The following ZBTB21 variants were observed in gnomAD, a reference collection of about 807,000 sequenced individuals.
ZBTB21 encodes zinc finger and BTB domain containing 21.
ZBTB21 carries 10 observed loss-of-function variants against 39.8 expected under a neutral mutation model. The ratio of observed to expected loss-of-function variants is 0.25; its 90% confidence interval spans 0.16 to 0.43. The LOEUF (loss-of-function observed/expected upper bound fraction) is 0.43, where lower values mean the gene tolerates loss of function less well. Among genes scored for constraint, ZBTB21 ranks in the 20% least tolerant of loss-of-function variants. The pLI, the probability that ZBTB21 is intolerant of heterozygous loss-of-function variation, is 1.00. For synonymous variants in ZBTB21, 551 were observed against 498.8 expected (o/e 1.10, Z -1.40); for missense variants, 1,221 against 1,296.3 (o/e 0.94, Z 0.89).
At chr21:42,005,325 CA>C (rs1279988446) in intron 1 of ZBTB21, among the ~76,000 whole-genome samples, 1 of 152,212 alleles carries the variant, frequency 6.6e-6, no homozygotes, top group Non-Finnish European at 1.5e-5. Context: ...CAACCAAAGC[CA>C]AACCAATCAG....
chr21:41,998,603 C>G (rs181971356), intron 2 of ZBTB21, among the ~76,000 whole-genome samples: 3 of 152,240 alleles, frequency 2.0e-5, no homozygotes, highest in Admixed American at 6.5e-5. Flanking sequence ...CTTTCTCTAG[C>G]GGGCAAACTG....
rs912810963 is a variant in ZBTB21, at chr21:41,990,988, T to G, written c.3108A>C (p.Ala1036=). ...TLFYHAPPLS[A]ITFKRQFMCK... ...ACATAAACTGTCTTTTAAATGTGAT[T>G]GCTGAAAGGGGTGGGGCATGGTAAA... The change falls in exon 3 of 3, where the codon GCA becomes GCC. Residue 1036 remains alanine, a synonymous_variant. Transcript: ENST00000310826. 30 of 1,539,580 alleles carry G rather than the reference T, an allele frequency of 1.9e-5. No individual in the cohort carries two copies. The highest frequency in any genetic ancestry group is 2.4e-5 in the Non-Finnish European group (28 of 1,146,422).
Position 41,988,543 on chromosome 21 carries a change from A to C in ZBTB21, c.*2352T>G, listed in dbSNP as rs189314125. On this transcript the variant is annotated 3_prime_UTR_variant, in exon 3 of 3. Coordinates refer to ENST00000310826, the MANE Select transcript of ZBTB21 (RefSeq NM_001098402.2). ...TTAAAATAGTTACATGAGTGGAAGC[A>C]TATTTTTTTTGACCACCAAAATAAA... 6.6e-6 allele frequency: 1 copy of C among 151,364 alleles called. No individual in the cohort carries two copies. The highest frequency in any genetic ancestry group is 2.4e-5 in the African/African-American group (1 of 41,432). The allele number at this position is 151,364 out of a possible 1,614,324, so 9.4% of individuals were successfully genotyped here.
intron 1 of ZBTB21, among the ~76,000 whole-genome samples, chr21:42,006,323 G>A (rs1177237411): frequency 6.6e-6 from 1 of 151,874 alleles, no homozygotes; most frequent in Non-Finnish European, 1.5e-5. Flanking sequence ...GCTGAGGCAG[G>A]AGAATCGCTT....
intron 1 of ZBTB21, among the ~76,000 whole-genome samples, chr21:42,005,939 T>C (rs2065873320): frequency 6.6e-6 from 1 of 152,208 alleles, no homozygotes; most frequent in African/African-American, 2.4e-5. Context: ...ATGCAGTGCC[T>C]AGAGAGGATG....
rs1215115542 is a variant in ZBTB21, at chr21:41,991,029, C to G, written c.3067G>C (p.Glu1023Gln). 7.6e-6 allele frequency: 12 copies of G among 1,580,252 alleles called. No individual in the cohort carries two copies. Among genetic ancestry groups the G allele is most frequent in the Non-Finnish European group, 1.0e-5 (12 of 1,164,458 alleles). ...PATEKLFVPQ[E>Q]SDTLFYHAPP... ...GCATGGTAAAAAAGGGTGTCTGATT[C>G]TTGGGGCACAAACAGTTTTTCTGTG... is the stretch of plus-strand genomic sequence containing the variant. The change falls in exon 3 of 3, where the codon GAA becomes CAA. Residue 1023 changes from glutamate (E) to glutamine (Q), a missense_variant. Glu to Gln is a conservative substitution (Grantham distance 29). This residue lies in a region of ZBTB21 where 523 missense variants were observed against 542.5 expected (regional missense o/e 0.96). Transcript: ENST00000310826. The surrounding 1 kb of genome is among the most constrained non-coding windows in gnomAD (Gnocchi z 4.9).
rs1303412127 is a variant in ZBTB21 at position 41,991,726 on chromosome 21, G to A, written c.2370C>T (p.Ile790=). 1 of 1,614,248 alleles carries A rather than the reference G, an allele frequency of 6.2e-7. No individual in the cohort carries two copies. The highest frequency in any genetic ancestry group is 2.2e-5 in the East Asian group (1 of 44,888). ...CMRTFKSSFS[I]WRHQVEVHNQ... is the part of the protein sequence containing the mutation. ...TATGGACTTCAACCTGGTGCCGCCA[G>A]ATGCTGAAAGAGGACTTGAAGGTGC... The change falls in exon 3 of 3, where the codon ATC becomes ATT. Residue 790 remains isoleucine, a synonymous_variant. Coordinates refer to ENST00000310826, the MANE Select transcript of ZBTB21 (RefSeq NM_001098402.2). This position sits in a 1 kb window ranked among gnomAD's most constrained non-coding sequence, Gnocchi z 4.9.
In ZBTB21 at chr21:42,001,244, G is replaced by A. The variant is rs139631231; in HGVS notation, c.-14+1653C>T. On this transcript the variant is annotated intron_variant, in intron 2 of 2. Coordinates refer to ENST00000310826, the MANE Select transcript of ZBTB21 (RefSeq NM_001098402.2). ...CCTCTAGTTTCCTCTTCCAATTCTCGTATCATCTTCTGAACTAGACAGTGT... is the reference window on the plus strand; with the variant it reads ...CCTCTAGTTTCCTCTTCCAATTCTCATATCATCTTCTGAACTAGACAGTGT... Among the ~76,000 whole-genome samples, 82 of 152,238 alleles carry A rather than the reference G, an allele frequency of 5.4e-4. No homozygotes were observed. In the East Asian group the frequency reaches 0.014, roughly 26 times the overall value.
chr21:41,992,171 C>T lies in ZBTB21; in HGVS notation c.1925G>A (p.Gly642Asp). ...KKALIIKLRR[G>D]KPGFQGQSSS... ...ACTCTGTCCCTGAAAACCAGGCTTG[C>T]CGCGCCTTAACTTAATGATCAGGGC... The change falls in exon 3 of 3, where the codon GGC becomes GAC. Residue 642 changes from glycine to aspartate, a missense_variant. By Grantham distance (94) the Gly-to-Asp change is moderately conservative (BLOSUM62 -1). Transcript: ENST00000310826. The surrounding 1 kb of genome is among the most constrained non-coding windows in gnomAD (Gnocchi z 4.1). The T allele has an allele frequency of 6.2e-7, 1 of 1,614,186 alleles. No homozygotes were observed. The highest frequency in any genetic ancestry group is 1.6e-4 in the Middle Eastern group (1 of 6,062).
chr21:41,998,427 G>A (rs150826912), intron 2 of ZBTB21, among the ~76,000 whole-genome samples: 127 of 152,166 alleles, frequency 8.3e-4, no homozygotes, highest in African/African-American at 2.5e-3. Flanking sequence ...CTGACCTCAC[G>A]TGATCTGCCT....
chr21:41,994,184 C>T (rs1654870495), intron 2 of ZBTB21, 76 bp from the exon 3 acceptor site: 1 of 1,350,194 alleles, frequency 7.4e-7, no homozygotes, highest in Non-Finnish European at 1.0e-6. Flanking sequence ...CAGGGAACAT[C>T]AGCTGTCTTT....
In ZBTB21 at chr21:41,992,724, A is replaced by T. The variant is rs1569104626; in HGVS notation, c.1372T>A (p.Ser458Thr). 2 of 1,614,164 alleles carry T rather than the reference A, an allele frequency of 1.2e-6. No homozygotes were observed. Among genetic ancestry groups the T allele is most frequent in the Middle Eastern group, 1.6e-4 (1 of 6,062 alleles). ...VGDAATTAAA[S>T]SSSVTRDLSL... is the part of the protein sequence containing the mutation. Reference sequence around the variant, plus strand: ...AGGTCTCTTGTGACCGACGAAGATGAGGCAGCTGCTGTTGTTGCCGCATCT... The same window carrying T: ...AGGTCTCTTGTGACCGACGAAGATGTGGCAGCTGCTGTTGTTGCCGCATCT... Residue 458 changes from serine to threonine, a missense_variant, in exon 3 of 3, where the codon TCA becomes ACA. Around this residue, in one of 4 missense-constraint regions of ZBTB21, gnomAD observed 500 missense variants for 465.6 expected, o/e 1.07. Coordinates refer to ENST00000310826, the MANE Select transcript of ZBTB21 (RefSeq NM_001098402.2). This position sits in a 1 kb window ranked among gnomAD's most constrained non-coding sequence, Gnocchi z 4.1.
In ZBTB21 at chr21:41,991,326, G is replaced by A; in HGVS notation, c.2770C>T (p.Leu924=). 6.2e-7 allele frequency: 1 copy of A among 1,609,752 alleles called. No individual in the cohort carries two copies. The highest frequency in any genetic ancestry group is 1.1e-5 in the South Asian group (1 of 90,324). ...CACAGAAGCTCCTGGTGACGCTCCA[G>A]CTGCTTATGCACCGTGAACATCTTC... The part of the protein sequence containing the change: ...CGKMFTVHKQ[L]ERHQELLCSV... Residue 924 remains leucine, a synonymous_variant, in exon 3 of 3, where the codon CTG becomes TTG. Coordinates refer to ENST00000310826, the MANE Select transcript of ZBTB21 (RefSeq NM_001098402.2). The surrounding 1 kb of genome is among the most constrained non-coding windows in gnomAD (Gnocchi z 4.9).
At chr21:41,996,226 G>T (rs914317905) in intron 2 of ZBTB21, among the ~76,000 whole-genome samples, 1 of 152,238 alleles carries the variant, frequency 6.6e-6, no homozygotes, top group African/African-American at 2.4e-5. Flanking sequence ...CTGGCACTGC[G>T]TGCCTGCAAA....
chr21:41,996,537 T>G lies in ZBTB21; in HGVS notation c.-13-2429A>C, dbSNP rs116349960. Among the ~76,000 whole-genome samples, 1,428 of 152,312 alleles carry G rather than the reference T, an allele frequency of 9.4e-3. 26 individuals are homozygous for G. The highest frequency in any genetic ancestry group is 0.033 in the African/African-American group (1,363 of 41,560). ...CTGTATCTGGGAAGTAACTAACTTG[T>G]TTTTGACTTTGCAGGCTCATAGGCG... On this transcript the variant is annotated intron_variant, in intron 2 of 2. Coordinates refer to ENST00000310826, the MANE Select transcript of ZBTB21 (RefSeq NM_001098402.2).
chr21:42,009,429 G>A (rs995654409), intron 1 of ZBTB21: 4 of 152,390 alleles, frequency 2.6e-5, no homozygotes, highest in African/African-American at 9.6e-5. Context: ...AGGCCGGCAC[G>A]GGTGGCGTCT....
intron 2 of ZBTB21, among the ~76,000 whole-genome samples, chr21:41,998,087 C>A (rs1245951745): frequency 6.6e-6 from 1 of 152,146 alleles, no homozygotes; most frequent in African/African-American, 2.4e-5. Context: ...TTAACCCCAC[C>A]ATACTCTCGA....
chr21:41,995,887 T>A (rs1052177606), intron 2 of ZBTB21, among the ~76,000 whole-genome samples: 2 of 152,242 alleles, frequency 1.3e-5, no homozygotes, highest in African/African-American at 4.8e-5. Flanking sequence ...GGGCCATGGC[T>A]TCAGATGGTG....
chr21:41,988,883 C>A lies in ZBTB21; in HGVS notation c.*2012G>T, dbSNP rs557070482. The A allele has an allele frequency of 5.9e-5, 9 of 152,092 alleles. No homozygotes were observed. The highest frequency in any genetic ancestry group is 1.9e-4 in the African/African-American group (8 of 41,500). The allele number at this position is 152,092 out of a possible 1,614,324, so 9.4% of individuals were successfully genotyped here. A position where few individuals can be genotyped will look rare whatever the true frequency, so the allele number is the denominator to read the frequency against. ...GATACTCTGTATCATGGAATTATCA[C>A]CGATAGATACTCTAATGGCCATGTA... On this transcript the variant is annotated 3_prime_UTR_variant, in exon 3 of 3. Coordinates refer to ENST00000310826, the MANE Select transcript of ZBTB21 (RefSeq NM_001098402.2).
Sources: gnomAD v4.1 joint callset for allele counts (sites outside exome capture counted in the v4.1 genomes callset) on GRCh38, gnomAD v4.1.1 for gene constraint, gnomAD v4.1.1 regional missense constraint, Gnocchi (gnomAD v3.1) non-coding constraint, MANE v1.5 for transcripts, NCBI Gene and HGNC (gene_info 2026-07-23, HGNC 2026-07-21) for gene names.